The following CEP120 variants were observed in gnomAD, a reference collection of about 807,000 sequenced individuals.
The protein encoded by CEP120 is centrosomal protein of 120 kDa.
A neutral mutation model predicts 126.5 loss-of-function variants in CEP120; 113 were observed. That is an observed-to-expected ratio of 0.89 (90% CI 0.77 to 1.04). The LOEUF (loss-of-function observed/expected upper bound fraction) is 1.04. Among genes scored for constraint, CEP120 ranks in the 50% least tolerant of loss-of-function variants. The pLI, the probability that CEP120 is intolerant of heterozygous loss-of-function variation, is 0.00. For synonymous variants in CEP120, 400 were observed against 394.3 expected (o/e 1.01, Z -0.17); for missense variants, 1,230 against 1,155.7 (o/e 1.06, Z -0.93).
intron 4 of CEP120, among the ~76,000 whole-genome samples, chr5:123,399,949 A>G (rs996512611): frequency 2.0e-4 from 31 of 152,342 alleles, no homozygotes; most frequent in African/African-American, 7.5e-4. Flanking sequence ...AAATTGATTT[A>G]AAAAACAAAA....
At chr5:123,399,319 A>C (rs763769418) in intron 4 of CEP120, 35 bp from the exon 5 acceptor site, 4 of 1,601,432 alleles carry the variant, frequency 2.5e-6, no homozygotes, top group Admixed American at 3.4e-5. Context: ...ACTACATTGT[A>C]GTTTGTCATA....
rs1580665316 is a variant in CEP120, at chr5:123,372,564, CATT to C, written c.2481+83_2481+85del. Reference sequence around the variant, plus strand: ...TTGACATCAGAACACTACAGCAAAACATTATTATATTGTATACACATTATTGAT... The same window carrying C: ...TTGACATCAGAACACTACAGCAAAACATTATATTGTATACACATTATTGAT... On this transcript the variant is annotated intron_variant, in intron 17 of 19. Transcript: ENST00000306467. 8 of 1,334,774 alleles carry C rather than the reference CATT, an allele frequency of 6.0e-6. 2 individuals are homozygous for C. In the East Asian group the frequency reaches 1.2e-4, roughly 20 times the overall value. 82.7% of individuals were successfully genotyped at this position (1,334,774 alleles called of 1,614,324 possible). A position where few individuals can be genotyped will look rare whatever the true frequency, so the allele number is the denominator to read the frequency against.
Position 123,386,669 on chromosome 5 carries a change from T to C in CEP120, c.1431-2A>G. On this transcript the variant is annotated splice_acceptor_variant, in intron 9 of 19. Transcript: ENST00000306467. LOFTEE classifies it high-confidence loss of function. ...CTTCCAAAGAATGGATATGAGTACC[T>C]AGAATTTAAAAAAAAAAAAAAAAAA... 6.9e-6 allele frequency: 4 copies of C among 575,964 alleles called. No individual in the cohort carries two copies. The highest frequency in any genetic ancestry group is 9.6e-6 in the Non-Finnish European group (4 of 414,956). The allele number at this position is 575,964 out of a possible 1,614,324, so 35.7% of individuals were successfully genotyped here.
At chr5:123,422,451 T>A in intron 1 of CEP120, 1 of 1,463,256 alleles carries the variant, frequency 6.8e-7, no homozygotes, top group Non-Finnish European at 9.3e-7. Context: ...ACCAATGTCA[T>A]TCATCCAAAA....
intron 18 of CEP120, among the ~76,000 whole-genome samples, chr5:123,351,287 ATGTATT>A (rs1305699738): frequency 6.6e-6 from 1 of 152,146 alleles, no homozygotes; most frequent in African/African-American, 2.4e-5. Flanking sequence ...TCTATACAGT[ATGTATT>A]TGTGTCAGGG....
At chr5:123,378,227 G>C in intron 15 of CEP120, 109 bp downstream of exon 15, 1 of 714,448 alleles carries the variant, frequency 1.4e-6, no homozygotes, top group Non-Finnish European at 2.3e-6. Context: ...AGCCCATCCT[G>C]AGTCCCTTCT....
rs1235235018 is a variant in CEP120 at position 123,384,818 on chromosome 5, AAGG to A, written c.1763+130_1763+132del. 5.6e-6 allele frequency: 4 copies of A among 718,324 alleles called. No homozygotes were observed. The Admixed American group carries it at 1.3e-4, about 23-fold the overall frequency. 44.5% of individuals were successfully genotyped at this position (718,324 alleles called of 1,614,324 possible). ...GCCACAGGTCAGAGAAGATCAGAAA[AAGG>A]AGGTTATGAAAGGGTGAAGTGGTGG... is the stretch of plus-strand genomic sequence containing the variant. On this transcript the variant is annotated intron_variant, in intron 11 of 19. Coordinates refer to ENST00000306467, the MANE Select transcript of CEP120 (RefSeq NM_001375405.1).
At chr5:123,401,617 T>C in intron 4 of CEP120, 2 of 1,422,360 alleles carry the variant, frequency 1.4e-6, no homozygotes, top group Non-Finnish European at 2.0e-6. Context: ...GCACCACAGA[T>C]GTGTCTGAGA....
chr5:123,367,641 A>G (rs920567649), intron 17 of CEP120, among the ~76,000 whole-genome samples: 3 of 151,952 alleles, frequency 2.0e-5, no homozygotes, highest in Non-Finnish European at 4.4e-5. Flanking sequence ...CCCAAAATCC[A>G]AAAAATCTAA....
At chr5:123,364,284 G>C (rs1049810910) in intron 18 of CEP120, among the ~76,000 whole-genome samples, 1 of 151,370 alleles carries the variant, frequency 6.6e-6, no homozygotes, top group Non-Finnish European at 1.5e-5. Flanking sequence ...GGGATAGCTG[G>C]CAATTTTTTT....
At chr5:123,353,094 T>C (rs571325229) in intron 18 of CEP120, among the ~76,000 whole-genome samples, 23 of 152,092 alleles carry the variant, frequency 1.5e-4, no homozygotes, top group South Asian at 1.0e-3. Context: ...TTCCAAATGA[T>C]ACAGTATTTC....
At chr5:123,349,303 T>C (rs1411181527) in intron 19 of CEP120, among the ~76,000 whole-genome samples, 4 of 152,078 alleles carry the variant, frequency 2.6e-5, no homozygotes, top group Non-Finnish European at 5.9e-5. Flanking sequence ...TCTCTTCATC[T>C]TGAAAATGGT....
At chr5:123,374,991 T>C (rs1042768844) in intron 16 of CEP120, among the ~76,000 whole-genome samples, 3 of 152,138 alleles carry the variant, frequency 2.0e-5, no homozygotes, top group Non-Finnish European at 4.4e-5. Flanking sequence ...AGATACTTCA[T>C]CTTCATCAGC....
In CEP120 at chr5:123,418,579, T is replaced by C. The variant is rs1027706020; in HGVS notation, c.50-64A>G. On this transcript the variant is annotated intron_variant, in intron 1 of 19. Transcript: ENST00000306467. ...AAAAATCAAACAGGATCATTTACCA[T>C]GTGTTTTTTTGTTTGGCTGGTTTTT... is the stretch of plus-strand genomic sequence containing the variant. The C allele has an allele frequency of 6.4e-5, 87 of 1,363,742 alleles. No homozygotes were observed. The Admixed American group carries it at 1.3e-3, about 21-fold the overall frequency. The allele number at this position is 1,363,742 out of a possible 1,614,324, so 84.5% of individuals were successfully genotyped here. A position where few individuals can be genotyped will look rare whatever the true frequency, so the allele number is the denominator to read the frequency against.
rs931331098 is a variant in CEP120 at position 123,349,320 on chromosome 5, A to T, written c.2726+624T>A. 3.3e-5 allele frequency among the ~76,000 whole-genome samples: 5 copies of T among 152,226 alleles called. No individual in the cohort carries two copies. In the South Asian group the frequency reaches 8.3e-4, roughly 25 times the overall value. Reference sequence around the variant, plus strand: ...TCTTCATCTTGAAAATGGTGAAAATATCTTCCTCACAAAGTAGCTTTGAAG... The same window carrying T: ...TCTTCATCTTGAAAATGGTGAAAATTTCTTCCTCACAAAGTAGCTTTGAAG... On this transcript the variant is annotated intron_variant, in intron 19 of 19. Transcript: ENST00000306467.
chr5:123,401,652 C>T (rs1773248608), intron 4 of CEP120: 2 of 1,428,770 alleles, frequency 1.4e-6, no homozygotes, highest in Non-Finnish European at 9.8e-7. Context: ...TCCCGGATCT[C>T]CTCTTCATAC....
chr5:123,406,479 C>T lies in CEP120; in HGVS notation c.463+5920G>A, dbSNP rs578169856. ...AGAAAAAATACTGAAAGAAGCCAAA[C>T]GGGAAAAAAAAAATCTTACCTCTAA... On this transcript the variant is annotated intron_variant, in intron 4 of 19. Transcript: ENST00000306467. Among the ~76,000 whole-genome samples, 50 of 114,518 alleles carry T rather than the reference C, an allele frequency of 4.4e-4. 1 individual carries two copies. The East Asian group carries it at 9.3e-3, about 21-fold the overall frequency. 75.1% of individuals were successfully genotyped at this position (114,518 alleles called of 152,430 possible).
intron 18 of CEP120, among the ~76,000 whole-genome samples, chr5:123,361,263 C>T (rs1770057283): frequency 1.3e-5 from 2 of 151,762 alleles, no homozygotes; most frequent in African/African-American, 4.8e-5. Flanking sequence ...TCTCCCTTAG[C>T]TTTGAGTGAC....
Position 123,423,293 on chromosome 5 carries a change from G to A in CEP120, c.-295C>T. The A allele has an allele frequency of 4.6e-6, 2 of 437,600 alleles. No homozygotes were observed. Among genetic ancestry groups the A allele is most frequent in the Admixed American group, 4.1e-5 (1 of 24,530 alleles). The allele number at this position is 437,600 out of a possible 1,614,324, so 27.1% of individuals were successfully genotyped here. A position where few individuals can be genotyped will look rare whatever the true frequency, so the allele number is the denominator to read the frequency against. On this transcript the variant is annotated 5_prime_UTR_variant, in exon 1 of 20. Coordinates refer to ENST00000306467, the MANE Select transcript of CEP120 (RefSeq NM_001375405.1). ...GCCACCCGAGGACCTTTTGCCGCCT[G>A]CGTAGCCGCTTTTCAAACGCCCGGG...
Sources: gnomAD v4.1 joint callset for allele counts (sites outside exome capture counted in the v4.1 genomes callset) on GRCh38, gnomAD v4.1.1 for gene constraint, MANE v1.5 for transcripts, NCBI Gene and HGNC (gene_info 2026-07-23, HGNC 2026-07-21) for gene names.